Variants in RBFOX1 observed in about 807,000 individuals in gnomAD.
RBFOX1 encodes the protein RNA binding fox-1 homolog 1, also known as RNA binding protein fox-1 homolog 1.
RBFOX1 carries 8 observed loss-of-function variants against 57.7 expected under a neutral mutation model. The ratio of observed to expected loss-of-function variants is 0.14; its 90% confidence interval spans 0.08 to 0.25. The LOEUF is 0.25. Ranked by LOEUF, RBFOX1 falls within the 10% of genes least tolerant of loss-of-function variation. RBFOX1 has a pLI of 1.00. For missense variants in RBFOX1, 611 were observed against 548.5 expected (o/e 1.11, Z -1.14); for synonymous variants, 326 against 222.4 (o/e 1.47, Z -4.15).
chr16:6,654,468 T>C, intron 2 of RBFOX1, 135 bp from the exon 3 acceptor site: 2 of 672,852 alleles, frequency 3.0e-6, no homozygotes, highest in Non-Finnish European at 4.8e-6. Context: ...GAGCAATGAC[T>C]CGAGAAAGAA....
intron 4 of RBFOX1, among the ~76,000 whole-genome samples, chr16:6,000,141 TGA>T (rs1447894597): frequency 6.6e-6 from 1 of 152,038 alleles, no homozygotes; most frequent in Non-Finnish European, 1.5e-5. Context: ...GTTCACTCAG[TGA>T]GAGAATTAAC....
At chr16:7,384,304 A>G (rs1223240774) in intron 4 of RBFOX1, among the ~76,000 whole-genome samples, 2 of 152,112 alleles carry the variant, frequency 1.3e-5, no homozygotes, top group Non-Finnish European at 2.9e-5. Flanking sequence ...GGAAAAGGGG[A>G]CAGTCATTTA....
Position 7,342,030 on chromosome 16 carries a change from G to C in RBFOX1, c.28-176117G>C, listed in dbSNP as rs1046998874. Among the ~76,000 whole-genome samples, 3 of 152,008 alleles carry C rather than the reference G, an allele frequency of 2.0e-5. No individual in the cohort carries two copies. The East Asian group carries it at 5.8e-4, about 29-fold the overall frequency. On this transcript the variant is annotated intron_variant, in intron 4 of 15. Transcript: ENST00000550418. ...ATTGCAGTGAGGAGGGGGATCACTT[G>C]TTCATTCCACATTGTTCTCAGGAAC...
chr16:6,003,031 A>G (rs147053008), intron 4 of RBFOX1, among the ~76,000 whole-genome samples: 2 of 151,936 alleles, frequency 1.3e-5, no homozygotes, highest in Non-Finnish European at 2.9e-5. Flanking sequence ...TGTAATCCCA[A>G]CACTTTGGGA....
rs574224242 is a variant in RBFOX1 at position 7,264,971 on chromosome 16, G to A, written c.27+212873G>A. Among the ~76,000 whole-genome samples, 7 of 152,300 alleles carry A rather than the reference G, an allele frequency of 4.6e-5. No individual in the cohort carries two copies. The South Asian group carries it at 1.2e-3, about 27-fold the overall frequency. On this transcript the variant is annotated intron_variant, in intron 4 of 15. Coordinates refer to ENST00000550418, the MANE Select transcript of RBFOX1 (RefSeq NM_018723.4). ...ATCTTCCATGACTCAATGCCACCAA[G>A]CAGTTATTTGTAGAATCCATTTGCG...
chr16:6,412,499 T>A (rs2093491124), intron 2 of RBFOX1, among the ~76,000 whole-genome samples: 1 of 152,312 alleles, frequency 6.6e-6, no homozygotes, highest in Middle Eastern at 3.4e-3. Flanking sequence ...AAGTTATCTT[T>A]CCACTGCGTT....
intron 3 of RBFOX1, among the ~76,000 whole-genome samples, chr16:6,991,538 TTTGTTG>T (rs905511454): frequency 1.3e-5 from 2 of 152,128 alleles, no homozygotes; most frequent in African/African-American, 4.8e-5. Flanking sequence ...GTTTTTTCTT[TTTGTTG>T]TTGTTGTTTT....
intron 2 of RBFOX1, among the ~76,000 whole-genome samples, chr16:6,411,128 C>T (rs2152970897): frequency 6.6e-6 from 1 of 152,256 alleles, no homozygotes; most frequent in Non-Finnish European, 1.5e-5. Context: ...CAGGTGCAAC[C>T]CATCACATAT....
chr16:6,444,810 A>G (rs1296716558), intron 2 of RBFOX1, among the ~76,000 whole-genome samples: 1 of 152,148 alleles, frequency 6.6e-6, no homozygotes. Flanking sequence ...TTAGTGGGTA[A>G]AATGCAGAGA....
intron 4 of RBFOX1, among the ~76,000 whole-genome samples, chr16:7,442,379 C>T (rs547223242): frequency 5.3e-5 from 8 of 152,042 alleles, no homozygotes; most frequent in Non-Finnish European, 8.8e-5. Context: ...TTTTGGCAGA[C>T]GTAAGGAGCA....
chr16:6,487,827 T>G (rs1001000686), intron 2 of RBFOX1, among the ~76,000 whole-genome samples: 1 of 149,558 alleles, frequency 6.7e-6, no homozygotes, highest in Non-Finnish European at 1.5e-5. Flanking sequence ...AATTCTAGAT[T>G]CATGTTTATC....
chr16:6,473,941 T>C (rs1480461476), intron 2 of RBFOX1, among the ~76,000 whole-genome samples: 1 of 152,142 alleles, frequency 6.6e-6, no homozygotes, highest in Non-Finnish European at 1.5e-5. Flanking sequence ...TCTGAGCCAG[T>C]GGATTTTTGT....
At chr16:7,652,069 G>T (rs541671532) in intron 11 of RBFOX1, among the ~76,000 whole-genome samples, 82 of 151,846 alleles carry the variant, frequency 5.4e-4, no homozygotes, top group Non-Finnish European at 1.0e-3. Context: ...AGGGGACAGG[G>T]GTAACCGGGG....
At chr16:6,073,998 G>A (rs926988804) in intron 1 of RBFOX1, among the ~76,000 whole-genome samples, 3 of 152,148 alleles carry the variant, frequency 2.0e-5, no homozygotes, top group African/African-American at 7.2e-5. Flanking sequence ...GCCCAGAGTG[G>A]AGTGCAGGGG....
intron 2 of RBFOX1, among the ~76,000 whole-genome samples, chr16:6,518,440 G>A (rs1349047245): frequency 3.9e-5 from 6 of 152,132 alleles, no homozygotes. Flanking sequence ...ATGACCGTGT[G>A]TCATTTCAAT....
At chr16:5,770,151 T>C (rs1407964974) in intron 3 of RBFOX1, among the ~76,000 whole-genome samples, 1 of 152,196 alleles carries the variant, frequency 6.6e-6, no homozygotes, top group African/African-American at 2.4e-5. Flanking sequence ...TGATGAGCTA[T>C]GCTTAAGTGA....
At chr16:6,276,150 T>G (rs570161888) in intron 1 of RBFOX1, among the ~76,000 whole-genome samples, 3 of 152,244 alleles carry the variant, frequency 2.0e-5, no homozygotes, top group East Asian at 3.9e-4. Flanking sequence ...TTTCCTGCAG[T>G]GAAGAAAAAC....
chr16:7,202,774 T>A (rs963924897), intron 4 of RBFOX1, among the ~76,000 whole-genome samples: 1 of 152,134 alleles, frequency 6.6e-6, no homozygotes, highest in African/African-American at 2.4e-5. Flanking sequence ...AGTGGGACAG[T>A]TTCATCCTGA....
chr16:7,354,407 G>T (rs1214412067), intron 4 of RBFOX1, among the ~76,000 whole-genome samples: 1 of 152,158 alleles, frequency 6.6e-6, no homozygotes, highest in Non-Finnish European at 1.5e-5. Context: ...TTCAAGGCCT[G>T]TTTTCCCTCA....
Sources: gnomAD v4.1 joint callset for allele counts (sites outside exome capture counted in the v4.1 genomes callset) on GRCh38, gnomAD v4.1.1 for gene constraint, MANE v1.5 for transcripts, NCBI Gene and HGNC (gene_info 2026-07-23, HGNC 2026-07-21) for gene names.